The following RDH8 variants were observed in gnomAD, a reference collection of about 807,000 sequenced individuals.
The protein encoded by RDH8 is photoreceptor outer segment all-trans retinol dehydrogenase.
RDH8 carries 14 observed loss-of-function variants against 22.3 expected under a neutral mutation model. The observed-to-expected ratio is 0.63, with a 90% confidence interval of 0.42 to 0.98. The LOEUF (loss-of-function observed/expected upper bound fraction) is 0.98. Ranked by LOEUF, RDH8 falls within the 50% of genes least tolerant of loss-of-function variation. RDH8 has a pLI of 0.00. For missense variants in RDH8, 389 were observed against 409.8 expected, an observed-to-expected ratio of 0.95 and a Z score of 0.44; for synonymous variants, 175 against 171.7, an observed-to-expected ratio of 1.02 and a Z score of -0.15.
At chr19:10,014,281 C>A (rs1449665035) in intron 1 of RDH8, among the ~76,000 whole-genome samples, 2 of 152,220 alleles carry the variant, frequency 1.3e-5, no homozygotes, top group Non-Finnish European at 1.5e-5. Flanking sequence ...GTTGGCAGGG[C>A]TGCTTCTCCC....
intron 3 of RDH8, among the ~76,000 whole-genome samples, chr19:10,020,037 A>G (rs2087645833): frequency 6.6e-6 from 1 of 151,874 alleles, no homozygotes; most frequent in Non-Finnish European, 1.5e-5. Context: ...GCTACTCAGG[A>G]GGCTGAGGCA....
At chr19:10,018,140 T>C (rs2087633674) in intron 2 of RDH8, among the ~76,000 whole-genome samples, 1 of 152,212 alleles carries the variant, frequency 6.6e-6, no homozygotes, top group South Asian at 2.1e-4. Context: ...AGACGGGGTT[T>C]CTCCATGTTC....
Position 10,021,753 on chromosome 19 carries a change from GAAC to G in RDH8, c.*6_*8del, listed in dbSNP as rs1389598866. The stretch of plus-strand genomic sequence containing the variant: ...AACGCGGGTGCGGCCAAGATGAGCA[GAAC>G]AGAGCTTCACGATCCCCATCCCTGA... On this transcript the variant is annotated 3_prime_UTR_variant, in exon 6 of 6. Transcript: ENST00000591589. 6.2e-7 allele frequency: 1 copy of G among 1,612,786 alleles called. No individual in the cohort carries two copies. Among genetic ancestry groups the G allele is most frequent in the East Asian group, 2.2e-5 (1 of 44,878 alleles).
rs982680148 is a variant in RDH8 at position 10,021,926 on chromosome 19, C to T, written c.*177C>T. On this transcript the variant is annotated 3_prime_UTR_variant, in exon 6 of 6. Transcript: ENST00000591589. ...CCTTTATTTTCAGGCATAGACTCCTCTGTGGTCACAGCTGGAGCACAGAGA... is the reference window on the plus strand; with the variant it reads ...CCTTTATTTTCAGGCATAGACTCCTTTGTGGTCACAGCTGGAGCACAGAGA... The T allele has an allele frequency of 4.3e-6, 3 of 699,592 alleles. No individual in the cohort carries two copies. The highest frequency in any genetic ancestry group is 7.0e-6 in the Non-Finnish European group (3 of 428,296). 43.3% of individuals were successfully genotyped at this position (699,592 alleles called of 1,614,324 possible). A position where few individuals can be genotyped will look rare whatever the true frequency, so the allele number is the denominator to read the frequency against.
At position 10,016,976 on chromosome 19, in the gene RDH8, C is replaced by T. The variant is rs539613195; in HGVS notation, c.104-81C>T. 128 of 1,345,894 alleles carry T rather than the reference C, an allele frequency of 9.5e-5. No homozygotes were observed. The East Asian group carries it at 1.4e-3, about 15-fold the overall frequency. 83.4% of individuals were successfully genotyped at this position (1,345,894 alleles called of 1,614,324 possible). A position where few individuals can be genotyped will look rare whatever the true frequency, so the allele number is the denominator to read the frequency against. ...GTTTCCATCTCTCTGTGACTTGTAA[C>T]GCAAGATCACAGACACGTGGCGCCC... On this transcript the variant is annotated intron_variant, in intron 1 of 5. Transcript: ENST00000591589.
Position 10,013,608 on chromosome 19 carries a change from G to C in RDH8, c.103+8G>C. The C allele has an allele frequency of 6.2e-7, 1 of 1,613,914 alleles. No individual in the cohort carries two copies. Among genetic ancestry groups the C allele is most frequent in the Non-Finnish European group, 8.5e-7 (1 of 1,180,024 alleles). ...CCAAGAAGCGCTACCAGGGTAAGAA[G>C]TGCAGGGTGGCACTAGGAGGCAGCC... On this transcript the variant is annotated splice_region_variant and intron_variant, in intron 1 of 5. Coordinates refer to ENST00000591589, the MANE Select transcript of RDH8 (RefSeq NM_015725.4).
rs2087586062 is a variant in RDH8, at chr19:10,013,576, C to T, written c.79C>T (p.His27Tyr). The T allele has an allele frequency of 1.2e-6, 2 of 1,613,872 alleles. No individual in the cohort carries two copies. Among genetic ancestry groups the T allele is most frequent in the African/African-American group, 1.3e-5 (1 of 74,892 alleles). Reference protein sequence around the residue: ...IGLELAVQLAHDPKKRYQVVA... With the variant: ...IGLELAVQLAYDPKKRYQVVA... ...TCTGGAACTTGCAGTGCAACTGGCCCATGACCCCAAGAAGCGCTACCAGGG... is the reference window on the plus strand; with the variant it reads ...TCTGGAACTTGCAGTGCAACTGGCCTATGACCCCAAGAAGCGCTACCAGGG... The change falls in exon 1 of 6, where the codon CAT (histidine) becomes TAT (tyrosine). Residue 27 changes from histidine (H) to tyrosine (Y), a missense_variant. Transcript: ENST00000591589.
chr19:10,019,686 A>G (rs981877500), intron 3 of RDH8, among the ~76,000 whole-genome samples: 1 of 152,160 alleles, frequency 6.6e-6, no homozygotes, highest in Non-Finnish European at 1.5e-5. Flanking sequence ...CTGTAGTCCC[A>G]GCTACTCGGG....
chr19:10,021,452 C>T lies in RDH8; in HGVS notation c.720+14C>T. The T allele has an allele frequency of 6.2e-7, 1 of 1,614,058 alleles. No homozygotes were observed. Among genetic ancestry groups the T allele is most frequent in the Non-Finnish European group, 8.5e-7 (1 of 1,179,976 alleles). ...GACGTGGTTCAGGTGAGTGAAGGGC[C>T]CAGAGCCCCAAGACGTGGCTCAGGT... is the stretch of plus-strand genomic sequence containing the variant. On this transcript the variant is annotated intron_variant, in intron 5 of 5. Coordinates refer to ENST00000591589, the MANE Select transcript of RDH8 (RefSeq NM_015725.4).
In RDH8 at chr19:10,016,291, C is replaced by T. The variant is rs913903612; in HGVS notation, c.104-766C>T. ...CCTCCCAAGTAGCTGGGACTACAGGCGCCTGCCACCACGCCAGGCTAATTT... is the reference window on the plus strand; with the variant it reads ...CCTCCCAAGTAGCTGGGACTACAGGTGCCTGCCACCACGCCAGGCTAATTT... On this transcript the variant is annotated intron_variant, in intron 1 of 5. Transcript: ENST00000591589. Among the ~76,000 whole-genome samples, 415 of 147,756 alleles carry T rather than the reference C, an allele frequency of 2.8e-3. 5 individuals carry two copies. The highest frequency in any genetic ancestry group is 8.8e-4 in the Non-Finnish European group (59 of 67,108).
At chr19:10,017,655 A>AT (rs977021519) in intron 2 of RDH8, among the ~76,000 whole-genome samples, 27 of 150,268 alleles carry the variant, frequency 1.8e-4, no homozygotes, top group Middle Eastern at 3.5e-3. Flanking sequence ...CTCAAAAATA[A>AT]TTTTTTTTTT....
rs778335282 is a variant in RDH8, at chr19:10,017,184, C to T, written c.231C>T (p.Leu77=). The T allele has an allele frequency of 3.7e-6, 6 of 1,604,048 alleles. No individual in the cohort carries two copies. The highest frequency in any genetic ancestry group is 5.1e-6 in the Non-Finnish European group (6 of 1,173,838). The stretch of plus-strand genomic sequence containing the variant: ...GTGATGAGTCGGTGGCCCAGTGTCT[C>T]AGCTGTATCCAGGGAGAAGTGGACG... ...VCSDESVAQC[L]SCIQGEVDVL... The change falls in exon 2 of 6, where the codon CTC becomes CTT. Residue 77 remains leucine (L), a synonymous_variant. Coordinates refer to ENST00000591589, the MANE Select transcript of RDH8 (RefSeq NM_015725.4).
chr19:10,014,750 C>T (rs1396079210), intron 1 of RDH8, among the ~76,000 whole-genome samples: 3 of 152,170 alleles, frequency 2.0e-5, no homozygotes, highest in African/African-American at 4.8e-5. Context: ...TTGGCCAGAC[C>T]GGTCTCGAAC....
Position 10,018,719 on chromosome 19 carries a change from C to A in RDH8, c.263-12C>A, listed in dbSNP as rs779082211. The A allele has an allele frequency of 6.3e-7, 1 of 1,589,190 alleles. No individual in the cohort carries two copies. Among genetic ancestry groups the A allele is most frequent in the Non-Finnish European group, 8.6e-7 (1 of 1,164,596 alleles). On this transcript the variant is annotated splice_polypyrimidine_tract_variant and intron_variant, in intron 2 of 5. Transcript: ENST00000591589. ...GGGACTTTAAGGTAACCCTTAGTAC[C>A]TCTTCTCTTAGTGAATAATGCTGGA...
chr19:10,017,384 T>C (rs2087626951), intron 2 of RDH8, among the ~76,000 whole-genome samples, 169 bp downstream of exon 2: 2 of 152,162 alleles, frequency 1.3e-5, no homozygotes, highest in African/African-American at 4.8e-5. Context: ...GTCCTACCAA[T>C]TGATTTATTA....
At chr19:10,021,233 AC>A in intron 4 of RDH8, 21 bp from the exon 5 acceptor site, 2 of 1,612,240 alleles carry the variant, frequency 1.2e-6, no homozygotes, top group Admixed American at 3.4e-5. Flanking sequence ...TCAGACTTAC[AC>A]TACCCATGCC....
At chr19:10,015,431 C>T (rs139790375) in intron 1 of RDH8, among the ~76,000 whole-genome samples, 16,288 of 151,722 alleles carry the variant, frequency 0.11, 1,152 homozygotes, top group South Asian at 0.15. Flanking sequence ...CCAGCCTAAG[C>T]GACAGAGCAT....
chr19:10,015,772 G>A (rs912074537), intron 1 of RDH8, among the ~76,000 whole-genome samples: 7 of 151,800 alleles, frequency 4.6e-5, no homozygotes, highest in Non-Finnish European at 8.8e-5. Context: ...GTGAAACCCC[G>A]TCTCTACTAA....
At chr19:10,015,307 G>C (rs772897772) in intron 1 of RDH8, among the ~76,000 whole-genome samples, 2 of 151,884 alleles carry the variant, frequency 1.3e-5, no homozygotes, top group African/African-American at 4.8e-5. Flanking sequence ...CAAAAAATTA[G>C]CCAGGCGTGG....
Sources: gnomAD v4.1 joint callset for allele counts (sites outside exome capture counted in the v4.1 genomes callset) on GRCh38, gnomAD v4.1.1 for gene constraint, MANE v1.5 for transcripts, NCBI Gene and HGNC (gene_info 2026-07-23, HGNC 2026-07-21) for gene names.